CERS2: variants seen among roughly 807,000 people sequenced by gnomAD.
CERS2 encodes the protein LAG1 homolog, ceramide synthase 2.
CERS2 carries 20 observed loss-of-function variants against 56.6 expected under a neutral mutation model. The ratio of observed to expected loss-of-function variants is 0.35; its 90% confidence interval spans 0.25 to 0.51. The LOEUF is 0.51. Among genes scored for constraint, CERS2 ranks in the 20% least tolerant of loss-of-function variants. CERS2 has a pLI of 0.96. For missense variants in CERS2, 361 were observed against 488.6 expected (o/e 0.74, Z 2.46); for synonymous variants, 187 against 175.4 (o/e 1.07, Z -0.52).
chr1:150,967,122 A>T lies in CERS2; in HGVS notation c.693T>A (p.Ala231=). 4 of 1,614,030 alleles carry T rather than the reference A, an allele frequency of 2.5e-6. No homozygotes were observed. Among genetic ancestry groups the T allele is most frequent in the Non-Finnish European group, 3.4e-6 (4 of 1,179,874 alleles). ...CATGCAGAGCCATGATTAGAGTCCC[A>T]GCTCGGATGTAATTGGCAAACCAGG... The part of the protein sequence containing the change: ...SFSWFANYIR[A]GTLIMALHDS... Residue 231 remains alanine, a synonymous_variant, in exon 8 of 11, where the codon GCT becomes GCA. Coordinates refer to ENST00000368954, the MANE Select transcript of CERS2 (RefSeq NM_022075.5).
chr1:150,973,559 C>T (rs761020926), intron 1 of CERS2, among the ~76,000 whole-genome samples: 2 of 151,360 alleles, frequency 1.3e-5, no homozygotes, highest in East Asian at 3.9e-4. Context: ...GTATGGTCAG[C>T]GCCAGGTCCT....
At chr1:150,974,448 C>T (rs1671268967) in intron 1 of CERS2, 171 bp downstream of exon 1, 1 of 149,382 alleles carries the variant, frequency 6.7e-6, no homozygotes, top group Admixed American at 6.7e-5. Context: ...CCATGAGCGC[C>T]CGCAGCGCCC....
At chr1:150,972,301 A>T (rs1671201338) in intron 1 of CERS2, among the ~76,000 whole-genome samples, 1 of 151,892 alleles carries the variant, frequency 6.6e-6, no homozygotes, top group Admixed American at 6.6e-5. Flanking sequence ...GAGAGGCACT[A>T]CCCCCATCTC....
intron 1 of CERS2, among the ~76,000 whole-genome samples, chr1:150,973,602 T>C (rs1016853436): frequency 6.6e-6 from 1 of 152,142 alleles, no homozygotes; most frequent in Non-Finnish European, 1.5e-5. Flanking sequence ...TCCTTACCCT[T>C]AGGAGCCCCT....
chr1:150,973,401 A>G (rs1358034328), intron 1 of CERS2, among the ~76,000 whole-genome samples: 2 of 152,244 alleles, frequency 1.3e-5, no homozygotes, highest in Non-Finnish European at 2.9e-5. Context: ...TGAAGGACAC[A>G]GTGAGGGATC....
intron 8 of CERS2, 92 bp from the exon 9 acceptor site, chr1:150,966,954 CCCT>C: frequency 6.9e-7 from 1 of 1,441,032 alleles, no homozygotes; most frequent in Admixed American, 1.7e-5. Context: ...TGACTCTGTG[CCCT>C]CCTCCTTGGT....
At chr1:150,967,744 G>A in intron 5 of CERS2, 30 bp from the exon 6 acceptor site, 1 of 1,611,868 alleles carries the variant, frequency 6.2e-7, no homozygotes. Flanking sequence ...AGTTAAAAGA[G>A]GAGGAACCCA....
At chr1:150,968,338 G>C in intron 3 of CERS2, 57 bp downstream of exon 3, 1 of 1,516,112 alleles carries the variant, frequency 6.6e-7, no homozygotes, top group Non-Finnish European at 9.2e-7. Context: ...TTCAAACCCT[G>C]TCCCCCCACC....
intron 7 of CERS2, 32 bp downstream of exon 7, chr1:150,967,360 C>T: frequency 6.7e-7 from 1 of 1,490,394 alleles, no homozygotes; most frequent in Non-Finnish European, 9.4e-7. Flanking sequence ...CATTTTGGCT[C>T]TGAGGCTTAA....
intron 2 of CERS2, 28 bp downstream of exon 2, chr1:150,968,890 A>C: frequency 6.2e-7 from 1 of 1,600,542 alleles, no homozygotes; most frequent in Non-Finnish European, 8.5e-7. Context: ...CAACAGGGGA[A>C]GGCATGAGGG....
Position 150,968,190 on chromosome 1 carries a change from C to G in CERS2, c.303G>C (p.Glu101Asp). Reference sequence around the variant, plus strand: ...AGAGCCCGCTCTGCCGGGACAAAAGCTCTACTTCCACCTGGGCACAGTGAA... The same window carrying G: ...AGAGCCCGCTCTGCCGGGACAAAAGGTCTACTTCCACCTGGGCACAGTGAA... Reference protein sequence around the residue: ...SGKQPKQVEVELLSRQSGLSG... With the variant: ...SGKQPKQVEVDLLSRQSGLSG... Residue 101 changes from glutamate (E) to aspartate (D), a missense_variant, in exon 4 of 11, where the codon GAG becomes GAC. Transcript: ENST00000368954. 6.2e-7 allele frequency: 1 copy of G among 1,609,404 alleles called. No homozygotes were observed. The highest frequency in any genetic ancestry group is 8.5e-7 in the Non-Finnish European group (1 of 1,179,964).
At position 150,966,061 on chromosome 1, in the gene CERS2, C is replaced by T; in HGVS notation, c.*87G>A. On this transcript the variant is annotated 3_prime_UTR_variant, in exon 11 of 11. Transcript: ENST00000368954. ...TCTCCTCTCACTTTCTCCTTTTTCC[C>T]CAGAGCTTAAAGTGACCCTATAGCG... The T allele has an allele frequency of 7.5e-7, 1 of 1,339,298 alleles. No individual in the cohort carries two copies. Among genetic ancestry groups the T allele is most frequent in the South Asian group, 1.4e-5 (1 of 69,234 alleles). The allele number at this position is 1,339,298 out of a possible 1,614,324, so 83.0% of individuals were successfully genotyped here.
At position 150,968,400 on chromosome 1, in the gene CERS2, T is replaced by C. The variant is rs146940612; in HGVS notation, c.286A>G (p.Lys96Glu). Reference sequence around the variant, plus strand: ...GAGCAGCATGCGGCTCATACCTGCTTGGGCTGCTTGCCACTGGTCAGGTAG... The same window carrying C: ...GAGCAGCATGCGGCTCATACCTGCTCGGGCTGCTTGCCACTGGTCAGGTAG... ...HFYLTSGKQP[K>E]QVEVELLSRQ... The change falls in exon 3 of 11, where the codon AAG becomes GAG. Residue 96 changes from lysine (K) to glutamate (E), a missense_variant. Physicochemically the swap from Lys to Glu is moderately conservative, Grantham distance 56. Around this residue, in one of 3 missense-constraint regions of CERS2, gnomAD observed 236 missense variants for 309.2 expected, o/e 0.76. Coordinates refer to ENST00000368954, the MANE Select transcript of CERS2 (RefSeq NM_022075.5). The C allele has an allele frequency of 1.6e-5, 26 of 1,612,970 alleles. No individual in the cohort carries two copies. In the African/African-American group the frequency reaches 3.3e-4, roughly 21 times the overall value.
Position 150,966,262 on chromosome 1 carries a change from C to G in CERS2, c.1029G>C (p.Arg343=). Residue 343 remains arginine (R), a synonymous_variant, in exon 11 of 11, where the codon CGG becomes CGC. Coordinates refer to ENST00000368954, the MANE Select transcript of CERS2 (RefSeq NM_022075.5). ...GKLVEDERSD[R]EETESSEGEE... ...CCCCCTCTGAGCTCTCTGTTTCTTC[C>G]CGGTCACTGCGTTCATCTTCTACCA... 2 of 1,611,330 alleles carry G rather than the reference C, an allele frequency of 1.2e-6. No individual in the cohort carries two copies. The highest frequency in any genetic ancestry group is 1.1e-5 in the South Asian group (1 of 90,650).
At chr1:150,970,227 C>CAAAAA (rs35333038) in intron 1 of CERS2, among the ~76,000 whole-genome samples, 3 of 51,188 alleles carry the variant, frequency 5.9e-5, no homozygotes, top group African/African-American at 2.0e-4. Context: ...GACTCTGTCT[C>CAAAAA]AAAAAAAAAA....
At position 150,966,593 on chromosome 1, in the gene CERS2, G is replaced by C; in HGVS notation, c.885C>G (p.Leu295=). The C allele has an allele frequency of 6.2e-7, 1 of 1,614,104 alleles. No individual in the cohort carries two copies. Among genetic ancestry groups the C allele is most frequent in the Non-Finnish European group, 8.5e-7 (1 of 1,180,016 alleles). The part of the protein sequence containing the change: ...LHCTLVYPLE[L]YPAFFGYYFF... ...AGTAATAGCCAAAGAAGGCAGGATA[G>C]AGCTCCAGTGGGTACACCAGGGTGC... The change falls in exon 10 of 11, where the codon CTC becomes CTG. Residue 295 remains leucine, a synonymous_variant. Transcript: ENST00000368954.
At chr1:150,966,924 T>G in intron 8 of CERS2, 62 bp from the exon 9 acceptor site, 1 of 1,436,678 alleles carries the variant, frequency 7.0e-7, no homozygotes, top group African/African-American at 1.4e-5. Context: ...CATTCATATG[T>G]ACACTCCAGT....
Position 150,965,351 on chromosome 1 carries a change from C to T in CERS2, c.*797G>A, listed in dbSNP as rs1420659888. ...CTAAAATGGTCCCTCTGCTGAAATG[C>T]TAGGTGCTAGCCGTAATTCTGGCTT... On this transcript the variant is annotated 3_prime_UTR_variant, in exon 11 of 11. Coordinates refer to ENST00000368954, the MANE Select transcript of CERS2 (RefSeq NM_022075.5). 6.6e-6 allele frequency: 1 copy of T among 152,396 alleles called. No individual in the cohort carries two copies. Among genetic ancestry groups the T allele is most frequent in the South Asian group, 2.1e-4 (1 of 4,816 alleles). The allele number at this position is 152,396 out of a possible 1,614,324, so 9.4% of individuals were successfully genotyped here.
Position 150,965,351 on chromosome 1 carries a change from C to G in CERS2, c.*797G>C, listed in dbSNP as rs1420659888. On this transcript the variant is annotated 3_prime_UTR_variant, in exon 11 of 11. Coordinates refer to ENST00000368954, the MANE Select transcript of CERS2 (RefSeq NM_022075.5). The stretch of plus-strand genomic sequence containing the variant: ...CTAAAATGGTCCCTCTGCTGAAATG[C>G]TAGGTGCTAGCCGTAATTCTGGCTT... The G allele has an allele frequency of 1.3e-5, 2 of 152,396 alleles. No homozygotes were observed. The highest frequency in any genetic ancestry group is 2.9e-5 in the Non-Finnish European group (2 of 68,020). 9.4% of individuals were successfully genotyped at this position (152,396 alleles called of 1,614,324 possible).
Sources: allele counts gnomAD v4.1 joint callset (sites outside exome capture counted in the v4.1 genomes callset), GRCh38; gene constraint gnomAD v4.1.1; regional missense constraint gnomAD v4.1.1; transcripts MANE v1.5; gene names NCBI Gene and HGNC (gene_info 2026-07-23, HGNC 2026-07-21).